The following TCIRG1 variants were observed in gnomAD, a reference collection of about 807,000 sequenced individuals.
TCIRG1 encodes the protein V-type proton ATPase 116 kDa subunit a 3.
A neutral mutation model predicts 95.5 loss-of-function variants in TCIRG1; 86 were observed. The observed-to-expected ratio is 0.90, with a 90% CI of 0.76 to 1.08. The LOEUF (loss-of-function observed/expected upper bound fraction) is 1.08, where lower values mean the gene tolerates loss of function less well. Among genes scored for constraint, TCIRG1 ranks in the 50% least tolerant of loss-of-function variants. TCIRG1 has a pLI of 0.00. For synonymous variants in TCIRG1, 499 were observed against 501.3 expected (o/e 1.00, Z 0.06); for missense variants, 1,069 against 1,140.2 (o/e 0.94, Z 0.90).
intron 5 of TCIRG1, 70 bp from the exon 6 acceptor site, chr11:68,043,301 G>GC: frequency 1.3e-6 from 2 of 1,520,122 alleles, no homozygotes; most frequent in South Asian, 2.4e-5. Flanking sequence ...GCAGGGTCCT[G>GC]CCCGGGGGGC....
Position 68,049,768 on chromosome 11 carries a change from A to T in TCIRG1, c.1993A>T (p.Arg665Trp). The change falls in exon 16 of 20, where the codon AGG (arginine) becomes TGG (tryptophan). Residue 665 changes from arginine (R) to tryptophan (W), a missense_variant. Transcript: ENST00000265686. ...LLHRHRRRLR[R>W]RPADRQEENK... ...GCACCGCCACCGCCGCCGCCTGCGG[A>T]GGAGGCCCGCTGACCGACAGGTGGG... 1 of 1,574,460 alleles carries T rather than the reference A, an allele frequency of 6.4e-7. No individual in the cohort carries two copies. Among genetic ancestry groups the T allele is most frequent in the Non-Finnish European group, 8.6e-7 (1 of 1,167,126 alleles).
At chr11:68,043,102 G>C in intron 5 of TCIRG1, 71 bp downstream of exon 5, 1 of 1,547,520 alleles carries the variant, frequency 6.5e-7, no homozygotes, top group South Asian at 1.2e-5. Context: ...GGCTGGGCCA[G>C]GCTGAGCTCC....
chr11:68,050,422 C>T (rs1855743881), intron 18 of TCIRG1, 65 bp from the exon 19 acceptor site: 1 of 1,610,838 alleles, frequency 6.2e-7, no homozygotes, highest in East Asian at 2.2e-5. Flanking sequence ...CAGGCTGCGG[C>T]AGGTAGGTAG....
At chr11:68,044,665 G>A (rs958363802) in intron 9 of TCIRG1, 23 of 589,322 alleles carry the variant, frequency 3.9e-5, no homozygotes, top group Admixed American at 3.6e-4. Context: ...CCCTGCCTCC[G>A]GGGGTCACCC....
At chr11:68,047,261 C>CCCT (rs1554997444) in intron 10 of TCIRG1, among the ~76,000 whole-genome samples, 172 bp from the exon 11 acceptor site, 1 of 108,086 alleles carries the variant, frequency 9.3e-6, no homozygotes, top group African/African-American at 3.7e-5. Context: ...TGCCCCCCCC[C>CCCT]CCCCCCGTCT....
Position 68,050,145 on chromosome 11 carries a change from C to A in TCIRG1, c.2127C>A (p.Pro709=), listed in dbSNP as rs374467229. The A allele has an allele frequency of 6.2e-7, 1 of 1,613,290 alleles. No homozygotes were observed. Among genetic ancestry groups the A allele is most frequent in the South Asian group, 1.1e-5 (1 of 91,082 alleles). The change falls in exon 18 of 20, where the codon CCC becomes CCA. Residue 709 remains proline (P), a synonymous_variant. Transcript: ENST00000265686. ...CTGCACCCGCCCCGCAGCTCGTCCCCTCCGAGGTGCTCATGCACCAGGCCA... is the reference window on the plus strand; with the variant it reads ...CTGCACCCGCCCCGCAGCTCGTCCCATCCGAGGTGCTCATGCACCAGGCCA... ...LDDEEEAELV[P]SEVLMHQAIH...
At chr11:68,048,578 G>A (rs1855626105) in intron 13 of TCIRG1, among the ~76,000 whole-genome samples, 1 of 152,226 alleles carries the variant, frequency 6.6e-6, no homozygotes, top group Non-Finnish European at 1.5e-5. Context: ...ACAGGCGTGA[G>A]TCACCGCGCC....
intron 1 of TCIRG1, chr11:68,040,074 TC>T (rs1275555800): frequency 5.2e-5 from 8 of 152,806 alleles, no homozygotes; most frequent in Non-Finnish European, 1.0e-4. Context: ...CCGTACCCCC[TC>T]CCCAAGGGTT....
intron 3 of TCIRG1, among the ~76,000 whole-genome samples, chr11:68,042,079 G>A (rs1440511641): frequency 1.3e-5 from 2 of 152,138 alleles, no homozygotes; most frequent in Non-Finnish European, 2.9e-5. Flanking sequence ...TACAGCATAA[G>A]AGCCCAGGAC....
intron 4 of TCIRG1, 33 bp from the exon 5 acceptor site, chr11:68,042,913 A>G (rs770187697): frequency 1.1e-5 from 17 of 1,550,408 alleles, no homozygotes; most frequent in Admixed American, 2.0e-5. Context: ...GGGGCTGTCC[A>G]GCCTAGGGCT....
chr11:68,047,569 C>A lies in TCIRG1; in HGVS notation c.1302C>A (p.Asn434Lys). 1.9e-6 allele frequency: 3 copies of A among 1,613,684 alleles called. No homozygotes were observed. Among genetic ancestry groups the A allele is most frequent in the Non-Finnish European group, 2.5e-6 (3 of 1,180,006 alleles). The change falls in exon 11 of 20, where the codon AAC becomes AAA. Residue 434 changes from asparagine to lysine, a missense_variant. Physicochemically the swap from Asn to Lys is moderately conservative, Grantham distance 94. Coordinates refer to ENST00000265686, the MANE Select transcript of TCIRG1 (RefSeq NM_006019.4). ...ENRPAVKAAQ[N>K]EIWQTFFRGR... ...GACCGGCTGTGAAGGCCGCGCAGAA[C>A]GAGGTGAGGGGCGGGGCTGGGGTCC...
At position 68,049,728 on chromosome 11, in the gene TCIRG1, AC is replaced by A; in HGVS notation, c.1957del (p.Leu653CysfsTer34). 1 of 1,585,182 alleles carries A rather than the reference AC, an allele frequency of 6.3e-7. No homozygotes were observed. On this transcript the variant is annotated frameshift_variant, in exon 16 of 20. Transcript: ENST00000265686. LOFTEE classifies it high-confidence loss of function. ...TGGTGCCCATCCTGCTGCTTGGCAC[AC>A]CCCTGCACCTGCTGCACCGCCACCG... Reference protein sequence around the residue: ...AMVPILLLGTPLHLLHRHRRR... With the variant: ...AMVPILLLGTXLHLLHRHRRR...
In TCIRG1 at chr11:68,044,276, CT is replaced by C. The variant is rs1855351197; in HGVS notation, c.953del (p.Leu318ProfsTer28). The C allele has an allele frequency of 6.2e-7, 1 of 1,605,022 alleles. No individual in the cohort carries two copies. The highest frequency in any genetic ancestry group is 1.1e-5 in the South Asian group (1 of 89,280). ...CAGCGTGAGCACCACGCACAAGTGC[CT>C]CATTGCCGAGGCCTGGTGCTCTGTG... is the stretch of plus-strand genomic sequence containing the variant. ...QCSVSTTHKC[L>X]IAEAWCSVRD... On this transcript the variant is annotated frameshift_variant, in exon 9 of 20. Transcript: ENST00000265686. LOFTEE classifies it high-confidence loss of function.
chr11:68,044,296 C>A lies in TCIRG1; in HGVS notation c.972C>A (p.Cys324Ter). 1 of 1,604,634 alleles carries A rather than the reference C, an allele frequency of 6.2e-7. No individual in the cohort carries two copies. ...AGTGCCTCATTGCCGAGGCCTGGTG[C>A]TCTGTGCGAGACCTGCCCGCCCTGC... Reference protein sequence around the residue: ...THKCLIAEAWCSVRDLPALQE... With the variant: ...THKCLIAEAW Residue 324 changes from cysteine (C) to a stop codon, truncating the protein, a stop_gained, in exon 9 of 20, where the codon TGC (cysteine) becomes TGA (stop). Coordinates refer to ENST00000265686, the MANE Select transcript of TCIRG1 (RefSeq NM_006019.4). LOFTEE classifies it high-confidence loss of function.
chr11:68,041,937 AGG>A, intron 3 of TCIRG1, 106 bp downstream of exon 3: 1 of 1,045,210 alleles, frequency 9.6e-7, no homozygotes, highest in Non-Finnish European at 1.4e-6. Context: ...AAGGCAGAGA[AGG>A]GAGGTATATG....
chr11:68,040,384 C>T (rs965786090), intron 1 of TCIRG1, among the ~76,000 whole-genome samples: 2 of 152,240 alleles, frequency 1.3e-5, no homozygotes, highest in Non-Finnish European at 2.9e-5. Context: ...AGTGTTCCCT[C>T]GTTCCCTCCT....
chr11:68,043,321 G>A (rs777893653), intron 5 of TCIRG1, 50 bp from the exon 6 acceptor site: 4 of 1,528,032 alleles, frequency 2.6e-6, no homozygotes, highest in Non-Finnish European at 3.5e-6. Context: ...CCTGGTGGGG[G>A]AGGCAGGGCA....
chr11:68,041,236 C>T (rs1008771663), intron 1 of TCIRG1, 32 bp from the exon 2 acceptor site: 2 of 1,475,524 alleles, frequency 1.4e-6, no homozygotes, highest in African/African-American at 2.8e-5. Flanking sequence ...GTGGTCTGCC[C>T]CTGACTGGCC....
At chr11:68,039,320 C>T (rs1855050585) in intron 1 of TCIRG1, among the ~76,000 whole-genome samples, 1 of 152,078 alleles carries the variant, frequency 6.6e-6, no homozygotes, top group African/African-American at 2.4e-5. Context: ...TGTTTACCAA[C>T]ACAGCCCAGC....
Sources: allele counts gnomAD v4.1 joint callset (sites outside exome capture counted in the v4.1 genomes callset), GRCh38; gene constraint gnomAD v4.1.1; transcripts MANE v1.5; gene names NCBI Gene and HGNC (gene_info 2026-07-23, HGNC 2026-07-21).